The following CFAP54 variants were observed in gnomAD, a reference collection of about 807,000 sequenced individuals.
CFAP54 encodes the protein cilia- and flagella-associated protein 54.
CFAP54 carries 290 observed loss-of-function variants against 370.4 expected under a neutral mutation model. The ratio of observed to expected loss-of-function variants is 0.78; its 90% confidence interval spans 0.71 to 0.86. CFAP54 has a LOEUF of 0.86. Among genes scored for constraint, CFAP54 ranks in the 40% least tolerant of loss-of-function variants. The probability of loss-of-function intolerance (pLI) is 0.00; values close to 1 mark genes in which losing one functional copy is unlikely to be tolerated. For missense variants in CFAP54, 3,399 were observed against 3,528.7 expected (o/e 0.96, Z 0.93); for synonymous variants, 1,206 against 1,236.5 (o/e 0.98, Z 0.52).
chr12:96,735,652 G>A (rs1340035845), intron 50 of CFAP54, among the ~76,000 whole-genome samples: 1 of 152,164 alleles, frequency 6.6e-6, no homozygotes, highest in Non-Finnish European at 1.5e-5. Flanking sequence ...CAATGACCTG[G>A]GGATAATATA....
rs540058714 is a variant in CFAP54 at position 96,714,683 on chromosome 12, TAACCCTTATTGGAGTGGAATCA to T, written c.6725-3756_6725-3735del. ...ATCTAGAAGATAAACTTTGTTGAACTAACCCTTATTGGAGTGGAATCAAACAGAATGTGTGCAGGGGAATCAG... is the reference window on the plus strand; with the variant it reads ...ATCTAGAAGATAAACTTTGTTGAACTAACAGAATGTGTGCAGGGGAATCAG... On this transcript the variant is annotated intron_variant, in intron 48 of 67. Coordinates refer to ENST00000524981, the MANE Select transcript of CFAP54 (RefSeq NM_001306084.2). Among the ~76,000 whole-genome samples, 9 of 152,170 alleles carry T rather than the reference TAACCCTTATTGGAGTGGAATCA, an allele frequency of 5.9e-5. No homozygotes were observed. The South Asian group carries it at 1.9e-3, about 32-fold the overall frequency.
intron 32 of CFAP54, among the ~76,000 whole-genome samples, chr12:96,636,857 G>C (rs1310244655): frequency 6.6e-6 from 1 of 151,892 alleles, no homozygotes; most frequent in Admixed American, 6.6e-5. Context: ...AGGAGTCCGA[G>C]GAAAAACAAA....
intron 26 of CFAP54, among the ~76,000 whole-genome samples, chr12:96,610,445 A>G (rs1355702386): frequency 6.6e-6 from 1 of 152,174 alleles, no homozygotes. Flanking sequence ...CTGAATAGGA[A>G]CAGCTCCAGT....
chr12:96,641,578 G>T (rs1292350086), intron 32 of CFAP54, among the ~76,000 whole-genome samples: 3 of 152,086 alleles, frequency 2.0e-5, no homozygotes, highest in Non-Finnish European at 4.4e-5. Context: ...CCATTACTGG[G>T]TATATACCCA....
chr12:96,664,315 T>C (rs1160083438), intron 39 of CFAP54, among the ~76,000 whole-genome samples: 1 of 151,992 alleles, frequency 6.6e-6, no homozygotes, highest in Non-Finnish European at 1.5e-5. Context: ...AGAGTGTGTG[T>C]TATTCTCTTC....
At chr12:96,814,413 A>G (rs1958956090) in intron 64 of CFAP54, among the ~76,000 whole-genome samples, 1 of 152,196 alleles carries the variant, frequency 6.6e-6, no homozygotes, top group Admixed American at 6.5e-5. Context: ...AGATTAAGTG[A>G]GTAGTCTAAG....
chr12:96,580,207 C>G (rs1182821757), intron 20 of CFAP54, among the ~76,000 whole-genome samples: 2 of 151,838 alleles, frequency 1.3e-5, no homozygotes, highest in African/African-American at 4.8e-5. Flanking sequence ...AGGAGTCAAC[C>G]CTGCCACTAT....
chr12:96,533,642 C>T lies in CFAP54; in HGVS notation c.1358-150C>T, dbSNP rs186515910. The T allele has an allele frequency of 6.0e-5, 37 of 614,484 alleles. No homozygotes were observed. In the East Asian group the frequency reaches 1.1e-3, roughly 18 times the overall value. The allele number at this position is 614,484 out of a possible 1,614,324, so 38.1% of individuals were successfully genotyped here. Reference sequence around the variant, plus strand: ...CCCTAAAGCACCACCCTGTATTTGCCCACTAAGATTTCTTGTTTCCCCCAC... The same window carrying T: ...CCCTAAAGCACCACCCTGTATTTGCTCACTAAGATTTCTTGTTTCCCCCAC... On this transcript the variant is annotated intron_variant, in intron 9 of 67. Coordinates refer to ENST00000524981, the MANE Select transcript of CFAP54 (RefSeq NM_001306084.2).
At chr12:96,539,796 C>A (rs1382204527) in intron 13 of CFAP54, among the ~76,000 whole-genome samples, 1 of 151,886 alleles carries the variant, frequency 6.6e-6, no homozygotes, top group Non-Finnish European at 1.5e-5. Context: ...AGATTTTCTC[C>A]CCCTGCAATA....
intron 19 of CFAP54, among the ~76,000 whole-genome samples, chr12:96,568,257 T>G (rs887636360): frequency 9.9e-5 from 15 of 152,012 alleles, no homozygotes; most frequent in African/African-American, 3.6e-4. Context: ...TTTACAAAAT[T>G]TCTTCTATTT....
chr12:96,580,083 A>G (rs897223813), intron 20 of CFAP54, among the ~76,000 whole-genome samples: 4 of 151,632 alleles, frequency 2.6e-5, no homozygotes, highest in Non-Finnish European at 5.9e-5. Context: ...AAAATAATAT[A>G]TTTTAGTATC....
At chr12:96,783,045 A>G (rs575914415) in intron 60 of CFAP54, among the ~76,000 whole-genome samples, 3 of 152,312 alleles carry the variant, frequency 2.0e-5, no homozygotes, top group South Asian at 2.1e-4. Flanking sequence ...TTCAAAGCAC[A>G]ATGTTTAAAG....
chr12:96,755,376 T>A (rs559109242), intron 56 of CFAP54, among the ~76,000 whole-genome samples: 1 of 152,220 alleles, frequency 6.6e-6, no homozygotes, highest in Admixed American at 6.5e-5. Context: ...CTATAATTAT[T>A]ATTAATTATA....
At chr12:96,851,962 C>T (rs994588854) in intron 66 of CFAP54, among the ~76,000 whole-genome samples, 2 of 151,888 alleles carry the variant, frequency 1.3e-5, no homozygotes, top group African/African-American at 2.4e-5. Context: ...ACATAGAAAA[C>T]CCAAAATAGT....
At chr12:96,544,673 A>G (rs1428170573) in intron 14 of CFAP54, among the ~76,000 whole-genome samples, 1 of 152,216 alleles carries the variant, frequency 6.6e-6, no homozygotes, top group Non-Finnish European at 1.5e-5. Flanking sequence ...GAATCTGAAC[A>G]GACAGGCCTT....
At chr12:96,840,626 C>CTT (rs11445758) in intron 66 of CFAP54, among the ~76,000 whole-genome samples, 3,730 of 120,558 alleles carry the variant, frequency 0.031, 155 homozygotes, top group East Asian at 0.26. Flanking sequence ...CTGTTTCTTT[C>CTT]TTTTTTTTTT....
chr12:96,566,458 T>C (rs1227256056), intron 19 of CFAP54, among the ~76,000 whole-genome samples: 1 of 152,182 alleles, frequency 6.6e-6, no homozygotes, highest in Admixed American at 6.5e-5. Context: ...AGCAGAATAT[T>C]TGTGACAGCA....
intron 8 of CFAP54, among the ~76,000 whole-genome samples, 192 bp downstream of exon 8, chr12:96,522,381 G>C (rs2136370237): frequency 6.6e-6 from 1 of 152,276 alleles, no homozygotes; most frequent in African/African-American, 2.4e-5. Flanking sequence ...CAAAGCTTTT[G>C]TGTCTTAGCA....
chr12:96,843,267 G>C (rs80204192), intron 66 of CFAP54, among the ~76,000 whole-genome samples: 1,722 of 152,338 alleles, frequency 0.011, 81 homozygotes, highest in East Asian at 0.11. Context: ...ATTGTTAGGA[G>C]TCTGGCTTTT....
Sources: allele counts gnomAD v4.1 joint callset (sites outside exome capture counted in the v4.1 genomes callset), GRCh38; gene constraint gnomAD v4.1.1; transcripts MANE v1.5; gene names NCBI Gene and HGNC (gene_info 2026-07-23, HGNC 2026-07-21).